The following PLPPR1 variants were observed in gnomAD, a reference collection of about 807,000 sequenced individuals.
PLPPR1 encodes the protein phospholipid phosphatase related 1.
A neutral mutation model predicts 33.1 loss-of-function variants in PLPPR1; 10 were observed. The ratio of observed to expected loss-of-function variants is 0.30; its 90% CI spans 0.19 to 0.51. The LOEUF (loss-of-function observed/expected upper bound fraction) is 0.51, where lower values mean the gene tolerates loss of function less well. PLPPR1 is among the 20% of genes least tolerant of loss of function. The pLI is 0.97. For synonymous variants in PLPPR1, 151 were observed against 151.0 expected, an observed-to-expected ratio of 1.00 and a Z score of 0.00; for missense variants, 304 against 408.1, an observed-to-expected ratio of 0.74 and a Z score of 2.20.
At chr9:101,311,896 C>A (rs1465959550) in intron 5 of PLPPR1, among the ~76,000 whole-genome samples, 4 of 152,126 alleles carry the variant, frequency 2.6e-5, no homozygotes, top group African/African-American at 9.7e-5. Context: ...GTAACTACTA[C>A]CAAAGGTTAG....
At chr9:101,208,169 C>T (rs968477419) in intron 2 of PLPPR1, among the ~76,000 whole-genome samples, 2 of 152,170 alleles carry the variant, frequency 1.3e-5, no homozygotes, top group East Asian at 3.8e-4. Context: ...TTCCAGTAGG[C>T]TGTGAGATTT....
At chr9:101,240,686 A>G (rs1827445942) in intron 2 of PLPPR1, among the ~76,000 whole-genome samples, 1 of 152,060 alleles carries the variant, frequency 6.6e-6, no homozygotes, top group African/African-American at 2.4e-5. Flanking sequence ...CTTAGCCCAC[A>G]TATTTTTAAG....
chr9:101,243,657 G>A (rs1192377880), intron 2 of PLPPR1, among the ~76,000 whole-genome samples: 1 of 151,852 alleles, frequency 6.6e-6, no homozygotes, highest in African/African-American at 2.4e-5. Context: ...TGACTATAAG[G>A]TGCCTAAGAA....
intron 4 of PLPPR1, among the ~76,000 whole-genome samples, chr9:101,294,026 G>T (rs2118928837): frequency 6.6e-6 from 1 of 152,240 alleles, no homozygotes; most frequent in Admixed American, 6.5e-5. Context: ...CTGATTTTTT[G>T]AAAGGATCAA....
At chr9:101,204,041 G>A (rs929459603) in intron 2 of PLPPR1, among the ~76,000 whole-genome samples, 2 of 152,072 alleles carry the variant, frequency 1.3e-5, no homozygotes, top group African/African-American at 2.4e-5. Flanking sequence ...CCCCTGTAAC[G>A]CAAGTTTCTC....
chr9:101,030,370 A>G (rs150467704), intron 1 of PLPPR1, among the ~76,000 whole-genome samples: 10 of 150,836 alleles, frequency 6.6e-5, no homozygotes, highest in East Asian at 4.0e-4. Context: ...CTGAATTTCT[A>G]TGCCCCTTCT....
At chr9:101,136,144 CCTCCTTTAGTGGAGGGTA>C (rs1831374998) in intron 1 of PLPPR1, among the ~76,000 whole-genome samples, 1 of 152,164 alleles carries the variant, frequency 6.6e-6, no homozygotes, top group Non-Finnish European at 1.5e-5. Flanking sequence ...CCTCTTCTTC[CCTCCTTTAGTGGAGGGTA>C]AATAGGAATT....
intron 2 of PLPPR1, among the ~76,000 whole-genome samples, chr9:101,250,431 A>C (rs2118864423): frequency 6.6e-6 from 1 of 152,156 alleles, no homozygotes; most frequent in South Asian, 2.1e-4. Context: ...ACATTCTTAA[A>C]GTTGTCTGAA....
chr9:101,043,359 A>G (rs968736947), intron 1 of PLPPR1, among the ~76,000 whole-genome samples: 5 of 151,402 alleles, frequency 3.3e-5, no homozygotes, highest in African/African-American at 4.9e-5. Context: ...GTGTATGTGT[A>G]TGTATATACA....
At chr9:101,266,558 C>G (rs913150541) in intron 2 of PLPPR1, among the ~76,000 whole-genome samples, 4 of 152,146 alleles carry the variant, frequency 2.6e-5, no homozygotes, top group African/African-American at 9.7e-5. Context: ...TCCCACCTAC[C>G]ACTACCACCC....
At chr9:101,093,828 T>A (rs1588025177) in intron 1 of PLPPR1, among the ~76,000 whole-genome samples, 1 of 152,214 alleles carries the variant, frequency 6.6e-6, no homozygotes. Context: ...TTGCCAGCAT[T>A]CCTGGATTAC....
chr9:101,223,468 A>G (rs569626274), intron 2 of PLPPR1, among the ~76,000 whole-genome samples: 1 of 152,314 alleles, frequency 6.6e-6, no homozygotes, highest in South Asian at 2.1e-4. Flanking sequence ...AATTTAAAGA[A>G]AATGATGTAT....
intron 1 of PLPPR1, among the ~76,000 whole-genome samples, chr9:101,154,361 A>G (rs412318): frequency 0.94 from 142,409 of 152,208 alleles, 66,733 homozygotes; most frequent in African/African-American, 0.99. Context: ...TGGTTGGTAG[A>G]CTATTAATTA....
chr9:101,074,555 A>G (rs992629945), intron 1 of PLPPR1, among the ~76,000 whole-genome samples: 1 of 152,156 alleles, frequency 6.6e-6, no homozygotes, highest in Non-Finnish European at 1.5e-5. Context: ...AAAATGGGGC[A>G]GTGCAAGGCA....
chr9:101,160,281 C>T (rs762720058), intron 1 of PLPPR1, among the ~76,000 whole-genome samples: 2 of 152,136 alleles, frequency 1.3e-5, no homozygotes, highest in Non-Finnish European at 2.9e-5. Flanking sequence ...GTCACTTAGC[C>T]TTTCTCCTCC....
chr9:101,278,532 C>A (rs1243456482), intron 3 of PLPPR1, among the ~76,000 whole-genome samples: 1 of 152,110 alleles, frequency 6.6e-6, no homozygotes, highest in Non-Finnish European at 1.5e-5. Context: ...CCTGCACCAC[C>A]CCTCCCCCAA....
At chr9:101,088,883 TA>T (rs1174262785) in intron 1 of PLPPR1, among the ~76,000 whole-genome samples, 1 of 152,164 alleles carries the variant, frequency 6.6e-6, no homozygotes, top group Non-Finnish European at 1.5e-5. Flanking sequence ...AAATGGAAAG[TA>T]ACAACACAAA....
At chr9:101,237,816 CAT>C (rs768518442) in intron 2 of PLPPR1, among the ~76,000 whole-genome samples, 2,336 of 72,108 alleles carry the variant, frequency 0.032, 50 homozygotes, top group Middle Eastern at 0.056. Flanking sequence ...CCATTGTGTG[CAT>C]ATATATATAT....
intron 2 of PLPPR1, among the ~76,000 whole-genome samples, chr9:101,247,193 G>A (rs546116868): frequency 3.3e-5 from 5 of 152,112 alleles, no homozygotes; most frequent in Admixed American, 3.3e-4. Flanking sequence ...CTGAAGCCAT[G>A]AGCAGCAGCT....
Sources: gnomAD v4.1 joint callset for allele counts (sites outside exome capture counted in the v4.1 genomes callset) on GRCh38, gnomAD v4.1.1 for gene constraint, MANE v1.5 for transcripts, NCBI Gene and HGNC (gene_info 2026-07-23, HGNC 2026-07-21) for gene names.